Variants in RSRC2 observed in about 807,000 individuals in gnomAD.
RSRC2 encodes the protein arginine/serine-rich coiled-coil protein 2.
In RSRC2, 5 loss-of-function variants were observed where a neutral mutation model predicts 61.3. That is an observed-to-expected ratio of 0.08 (90% CI 0.04 to 0.17). RSRC2 has a LOEUF of 0.17. Among genes scored for constraint, RSRC2 ranks in the 10% least tolerant of loss-of-function variants. The pLI, the probability that RSRC2 is intolerant of heterozygous loss-of-function variation, is 1.00. For synonymous variants in RSRC2, 202 were observed against 166.5 expected (o/e 1.21, Z -1.64); for missense variants, 381 against 518.8 (o/e 0.73, Z 2.58).
Position 122,526,892 on chromosome 12 carries a change from G to C in RSRC2, c.-39C>G, listed in dbSNP as rs887827129. On this transcript the variant is annotated 5_prime_UTR_variant, in exon 1 of 10. Transcript: ENST00000331738. ...GGCCGCTAGAGCGGCGCCTCCACTT[G>C]TCGCTTTCAACAGTACCGGCCGCTC... is the stretch of plus-strand genomic sequence containing the variant. 5.0e-6 allele frequency: 8 copies of C among 1,613,616 alleles called. No homozygotes were observed. The highest frequency in any genetic ancestry group is 2.2e-5 in the East Asian group (1 of 44,892).
intron 8 of RSRC2, among the ~76,000 whole-genome samples, chr12:122,507,616 TTA>T (rs1361513032): frequency 1.3e-5 from 2 of 152,130 alleles, no homozygotes; most frequent in East Asian, 1.9e-4. Context: ...CTTCAATCAA[TTA>T]TGTTTTATTT....
chr12:122,507,472 C>A (rs961428720), intron 8 of RSRC2, among the ~76,000 whole-genome samples: 4 of 150,620 alleles, frequency 2.7e-5, no homozygotes, highest in Admixed American at 2.0e-4. Context: ...ATGTCATTTG[C>A]ATTTAATGTC....
chr12:122,518,600 A>AG (rs1417642360), intron 4 of RSRC2, among the ~76,000 whole-genome samples: 2 of 151,600 alleles, frequency 1.3e-5, no homozygotes, highest in African/African-American at 4.9e-5. Flanking sequence ...GTCAAAAAAA[A>AG]AAAAGGGAAA....
chr12:122,520,501 T>TA (rs1388772020), intron 3 of RSRC2: 1 of 1,355,672 alleles, frequency 7.4e-7, no homozygotes, highest in Non-Finnish European at 9.9e-7. Context: ...GACTAATAGT[T>TA]ACCTTATCAT....
chr12:122,517,724 C>CT (rs1156565475), intron 4 of RSRC2, among the ~76,000 whole-genome samples: 2 of 152,076 alleles, frequency 1.3e-5, no homozygotes, highest in African/African-American at 4.8e-5. Context: ...AGTTACAAAT[C>CT]TTAATACTTT....
chr12:122,523,193 G>A (rs922729753), intron 1 of RSRC2: 1 of 152,198 alleles, frequency 6.6e-6, no homozygotes, highest in African/African-American at 2.4e-5. Context: ...TCAGTAAATA[G>A]CACTGTAAAG....
Position 122,510,257 on chromosome 12 carries a change from C to T in RSRC2, c.805+852G>A, listed in dbSNP as rs188944073. Among the ~76,000 whole-genome samples the T allele has an allele frequency of 1.9e-3, 292 of 152,030 alleles. 4 individuals are homozygous for T. Among genetic ancestry groups the T allele is most frequent in the African/African-American group, 6.7e-3 (278 of 41,510 alleles). ...ATCGTAAAAGACATCTGGGGCCGGG[C>T]GTGGTGGCTCATGCCTGTAATCCCA... is the stretch of plus-strand genomic sequence containing the variant. On this transcript the variant is annotated intron_variant, in intron 7 of 9. Coordinates refer to ENST00000331738, the MANE Select transcript of RSRC2 (RefSeq NM_023012.6).
In RSRC2 at chr12:122,515,324, C is replaced by T. The variant is rs563289110; in HGVS notation, c.603-97G>A. The T allele has an allele frequency of 1.6e-5, 20 of 1,214,880 alleles. No homozygotes were observed. In the Admixed American group the frequency reaches 2.5e-4, roughly 15 times the overall value. 75.3% of individuals were successfully genotyped at this position (1,214,880 alleles called of 1,614,324 possible). On this transcript the variant is annotated intron_variant, in intron 5 of 9. Transcript: ENST00000331738. Reference sequence around the variant, plus strand: ...AGTTCAAACAAAAATCCCAACGATACAAAAACATTTAGTTTGAGATGCAAA... The same window carrying T: ...AGTTCAAACAAAAATCCCAACGATATAAAAACATTTAGTTTGAGATGCAAA...
At chr12:122,508,172 T>G (rs752312983) in intron 8 of RSRC2, 46 bp downstream of exon 8, 1 of 1,537,924 alleles carries the variant, frequency 6.5e-7, no homozygotes, top group Non-Finnish European at 9.0e-7. Context: ...TCTAAGCAAT[T>G]ACTAATTAGG....
intron 1 of RSRC2, among the ~76,000 whole-genome samples, chr12:122,526,629 T>TG (rs916234192): frequency 1.3e-5 from 2 of 151,834 alleles, no homozygotes; most frequent in African/African-American, 4.8e-5. Flanking sequence ...AGGAAAGTTC[T>TG]GGAAAAAAAA....
Position 122,526,900 on chromosome 12 carries a change from C to T in RSRC2, c.-47G>A, listed in dbSNP as rs202200440. On this transcript the variant is annotated 5_prime_UTR_variant, in exon 1 of 10. Transcript: ENST00000331738. ...GAGCGGCGCCTCCACTTGTCGCTTT[C>T]AACAGTACCGGCCGCTCCGAAGCTT... 3 of 1,611,992 alleles carry T rather than the reference C, an allele frequency of 1.9e-6. No individual in the cohort carries two copies. Among genetic ancestry groups the T allele is most frequent in the East Asian group, 2.2e-5 (1 of 44,874 alleles).
intron 6 of RSRC2, 138 bp downstream of exon 6, chr12:122,514,967 T>C (rs1958800363): frequency 4.3e-6 from 4 of 934,330 alleles, no homozygotes; most frequent in African/African-American, 1.7e-5. Context: ...ACTATTTACA[T>C]AGTTCTAGAT....
At chr12:122,518,069 G>A (rs772959378) in intron 4 of RSRC2, among the ~76,000 whole-genome samples, 11 of 152,114 alleles carry the variant, frequency 7.2e-5, no homozygotes, top group Non-Finnish European at 2.9e-5. Context: ...GGCCAAGGCC[G>A]TCACACTGCT....
chr12:122,522,433 T>C (rs186145160), intron 1 of RSRC2, 134 bp from the exon 2 acceptor site: 18 of 836,008 alleles, frequency 2.2e-5, no homozygotes, highest in East Asian at 1.1e-4. Flanking sequence ...TCCAAGTAAC[T>C]AAATGTGCTT....
At position 122,508,148 on chromosome 12, in the gene RSRC2, C is replaced by A. The variant is rs569832508; in HGVS notation, c.1035+70G>T. The stretch of plus-strand genomic sequence containing the variant: ...TTAAGCCGAAAGTAATATTTTTCAA[C>A]CCAAATTTGTTTTTCTAAGCAATTA... On this transcript the variant is annotated intron_variant, in intron 8 of 9. Transcript: ENST00000331738. The A allele has an allele frequency of 4.9e-4, 681 of 1,380,980 alleles. 1 individual carries two copies. Among genetic ancestry groups the A allele is most frequent in the Non-Finnish European group, 6.6e-4 (637 of 970,058 alleles). The allele number at this position is 1,380,980 out of a possible 1,614,324, so 85.5% of individuals were successfully genotyped here.
chr12:122,509,322 C>A (rs528541870), intron 7 of RSRC2, among the ~76,000 whole-genome samples: 1 of 151,314 alleles, frequency 6.6e-6, no homozygotes, highest in Admixed American at 6.6e-5. Context: ...TGGTGGCAGG[C>A]GCCTATAAGC....
At chr12:122,516,623 G>GT (rs1301236132) in intron 5 of RSRC2, among the ~76,000 whole-genome samples, 2 of 152,158 alleles carry the variant, frequency 1.3e-5, no homozygotes, top group African/African-American at 2.4e-5. Flanking sequence ...ACAGCATATG[G>GT]TAAGTATGCA....
intron 7 of RSRC2, among the ~76,000 whole-genome samples, chr12:122,510,128 T>C (rs1327172522): frequency 6.6e-6 from 1 of 151,744 alleles, no homozygotes; most frequent in Non-Finnish European, 1.5e-5. Flanking sequence ...GGCCTGATAA[T>C]TTTTGAAATC....
At chr12:122,523,948 C>G (rs1959647644) in intron 1 of RSRC2, among the ~76,000 whole-genome samples, 1 of 152,150 alleles carries the variant, frequency 6.6e-6, no homozygotes. Flanking sequence ...CGTGTTATTC[C>G]TCTAACAATG....
Sources: gnomAD v4.1 joint callset for allele counts (sites outside exome capture counted in the v4.1 genomes callset) on GRCh38, gnomAD v4.1.1 for gene constraint, MANE v1.5 for transcripts, NCBI Gene and HGNC (gene_info 2026-07-23, HGNC 2026-07-21) for gene names.